RHOT1: variants seen among roughly 807,000 people sequenced by gnomAD.
The protein encoded by RHOT1 is mitochondrial Rho GTPase 1.
A neutral mutation model predicts 95.3 loss-of-function variants in RHOT1; 27 were observed. The ratio of observed to expected loss-of-function variants is 0.28; its 90% CI spans 0.21 to 0.39. The LOEUF (loss-of-function observed/expected upper bound fraction) is 0.39, where lower values mean the gene tolerates loss of function less well. Among genes scored for constraint, RHOT1 ranks in the 10% least tolerant of loss-of-function variants. RHOT1 has a pLI of 1.00. For missense variants in RHOT1, 578 were observed against 786.7 expected (o/e 0.73, Z 3.17); for synonymous variants, 227 against 263.5 (o/e 0.86, Z 1.34).
chr17:32,148,644 A>G (rs899560480), intron 1 of RHOT1, among the ~76,000 whole-genome samples: 5 of 152,132 alleles, frequency 3.3e-5, no homozygotes, highest in African/African-American at 1.2e-4. Flanking sequence ...TAAAAATATA[A>G]CTCCATAGTT....
chr17:32,192,328 G>A (rs199747456), intron 9 of RHOT1, 29 bp downstream of exon 9: 28 of 936,970 alleles, frequency 3.0e-5, no homozygotes, highest in East Asian at 5.7e-5. Context: ...AGACATTTGC[G>A]TATCTTTTTT....
chr17:32,198,395 A>G lies in RHOT1; in HGVS notation c.870-552A>G, dbSNP rs190239842. On this transcript the variant is annotated intron_variant, in intron 11 of 19. Transcript: ENST00000545287. ...TCAGTATTATTTGTAAATTTTTTAT[A>G]TTAACCTGCTTTTCTGATATTTAAG... Among the ~76,000 whole-genome samples the G allele has an allele frequency of 2.0e-5, 3 of 152,314 alleles. No individual in the cohort carries two copies. The South Asian group carries it at 6.2e-4, about 32-fold the overall frequency.
At chr17:32,186,750 C>T (rs1299410624) in intron 8 of RHOT1, among the ~76,000 whole-genome samples, 1 of 152,128 alleles carries the variant, frequency 6.6e-6, no homozygotes, top group African/African-American at 2.4e-5. Flanking sequence ...CAGCCTTAAC[C>T]TCCTGGATTC....
chr17:32,169,609 T>G (rs1240560299), intron 1 of RHOT1, among the ~76,000 whole-genome samples: 2 of 152,226 alleles, frequency 1.3e-5, no homozygotes, highest in Non-Finnish European at 2.9e-5. Flanking sequence ...GGAGATAATT[T>G]AACAACATCA....
chr17:32,190,711 A>G lies in RHOT1; in HGVS notation c.541-1490A>G, dbSNP rs2036426797. Among the ~76,000 whole-genome samples the G allele has an allele frequency of 1.3e-5, 2 of 152,196 alleles. 1 individual carries two copies. The highest frequency in any genetic ancestry group is 4.1e-4 in the South Asian group (2 of 4,836). On this transcript the variant is annotated intron_variant, in intron 8 of 19. Transcript: ENST00000545287. ...ATCACATTTATAGAAGCATTATCTT[A>G]CCATTCATTATTTTAAAGAATAAAT...
At chr17:32,176,314 A>T in intron 6 of RHOT1, 101 bp downstream of exon 6, 1 of 912,048 alleles carries the variant, frequency 1.1e-6, no homozygotes, top group Admixed American at 2.5e-5. Flanking sequence ...CCTTCACTTA[A>T]ATTTACTAGG....
intron 1 of RHOT1, among the ~76,000 whole-genome samples, chr17:32,149,633 A>ATGTGTGTG (rs1233010217): frequency 7.1e-4 from 58 of 81,264 alleles, no homozygotes; most frequent in Non-Finnish European, 1.2e-3. Flanking sequence ...ATATATATAT[A>ATGTGTGTG]TATGTGTGTG....
chr17:32,151,189 A>G (rs993242965), intron 1 of RHOT1: 15 of 768,094 alleles, frequency 2.0e-5, no homozygotes, highest in Non-Finnish European at 3.1e-5. Context: ...TCTCCTGAAG[A>G]TTTCTGTCTG....
chr17:32,218,424 T>C (rs988442982), intron 19 of RHOT1, among the ~76,000 whole-genome samples: 1 of 151,674 alleles, frequency 6.6e-6, no homozygotes, highest in Non-Finnish European at 1.5e-5. Flanking sequence ...AGAGGTTTGC[T>C]TGAGCCCAGG....
chr17:32,222,662 A>G (rs16967194), intron 19 of RHOT1, among the ~76,000 whole-genome samples: 4,744 of 152,270 alleles, frequency 0.031, 265 homozygotes, highest in African/African-American at 0.11. Context: ...TGGCAACTCA[A>G]TTTATGTGTG....
chr17:32,182,313 CA>C lies in RHOT1; in HGVS notation c.330-432del, dbSNP rs57679273. Among the ~76,000 whole-genome samples, 580 of 145,028 alleles carry C rather than the reference CA, an allele frequency of 4.0e-3. 5 individuals carry two copies. Among genetic ancestry groups the C allele is most frequent in the Non-Finnish European group, 6.9e-3 (456 of 66,276 alleles). On this transcript the variant is annotated intron_variant, in intron 6 of 19. Coordinates refer to ENST00000545287, the MANE Select transcript of RHOT1 (RefSeq NM_001033566.3). ...GGCAATATAGCTAGACCCTTCTCTA[CA>C]AAAAAAAAAAATTTTTTTTTAATTT... is the stretch of plus-strand genomic sequence containing the variant.
rs533516947 is a variant in RHOT1 at position 32,167,398 on chromosome 17, C to T, written c.38-3645C>T. 4.6e-5 allele frequency among the ~76,000 whole-genome samples: 7 copies of T among 151,452 alleles called. No individual in the cohort carries two copies. In the East Asian group the frequency reaches 1.4e-3, roughly 29 times the overall value. ...CTAGAGTGCAGTAGTGCAATCTTGG[C>T]TCACTGCAAGCTCCGCCTCCCGGGT... On this transcript the variant is annotated intron_variant, in intron 1 of 19. Transcript: ENST00000545287.
intron 11 of RHOT1, among the ~76,000 whole-genome samples, chr17:32,196,084 A>G (rs1334708764): frequency 6.6e-6 from 1 of 152,042 alleles, no homozygotes; most frequent in African/African-American, 2.4e-5. Flanking sequence ...AACCCTCTGC[A>G]TCTATCCTTC....
intron 2 of RHOT1, among the ~76,000 whole-genome samples, chr17:32,172,772 G>A (rs2034682388): frequency 6.6e-6 from 1 of 152,254 alleles, no homozygotes; most frequent in African/African-American, 2.4e-5. Flanking sequence ...AGAGCTTGCA[G>A]TGAGCTGAGA....
At chr17:32,152,989 A>G (rs781050676) in intron 1 of RHOT1, among the ~76,000 whole-genome samples, 1 of 152,024 alleles carries the variant, frequency 6.6e-6, no homozygotes, top group Non-Finnish European at 1.5e-5. Context: ...TTTTGTAGAG[A>G]TAGAGTTTCA....
At position 32,205,784 on chromosome 17, in the gene RHOT1, G is replaced by A. The variant is rs1373315867; in HGVS notation, c.1417-1126G>A. Among the ~76,000 whole-genome samples, 6 of 152,264 alleles carry A rather than the reference G, an allele frequency of 3.9e-5. No individual in the cohort carries two copies. In the East Asian group the frequency reaches 9.7e-4, roughly 24 times the overall value. On this transcript the variant is annotated intron_variant, in intron 16 of 19. Transcript: ENST00000545287. Reference sequence around the variant, plus strand: ...TGGTCTCAAACTCCTGGGCTCAAGCGATCTGCCCACCTCAGTCTCCCAAAG... The same window carrying A: ...TGGTCTCAAACTCCTGGGCTCAAGCAATCTGCCCACCTCAGTCTCCCAAAG...
At chr17:32,219,856 C>T (rs559059403) in intron 19 of RHOT1, among the ~76,000 whole-genome samples, 1 of 152,238 alleles carries the variant, frequency 6.6e-6, no homozygotes, top group South Asian at 2.1e-4. Context: ...TTCTAATGTT[C>T]TAAAAAGAGA....
chr17:32,208,521 T>A, intron 18 of RHOT1: 1 of 552,060 alleles, frequency 1.8e-6, no homozygotes, highest in Non-Finnish European at 3.3e-6. Context: ...ATCTGTATAT[T>A]TTTGAGCAGG....
intron 1 of RHOT1, among the ~76,000 whole-genome samples, chr17:32,143,810 G>A (rs9890884): frequency 0.045 from 6,913 of 152,278 alleles, 533 homozygotes; most frequent in African/African-American, 0.16. Context: ...GAAGCATTCT[G>A]TTTTAAACCA....
Sources: allele counts gnomAD v4.1 joint callset (sites outside exome capture counted in the v4.1 genomes callset), GRCh38; gene constraint gnomAD v4.1.1; transcripts MANE v1.5; gene names NCBI Gene and HGNC (gene_info 2026-07-23, HGNC 2026-07-21).